Variants in RPS6KA2 observed in about 807,000 individuals in gnomAD.
RPS6KA2 encodes the protein ribosomal protein S6 kinase alpha-2.
A neutral mutation model predicts 91.8 loss-of-function variants in RPS6KA2; 42 were observed. The observed-to-expected ratio is 0.46, with a 90% CI of 0.36 to 0.59. The LOEUF (loss-of-function observed/expected upper bound fraction) is 0.59, where lower values mean the gene tolerates loss of function less well. Among genes scored for constraint, RPS6KA2 ranks in the 20% least tolerant of loss-of-function variants. The probability of loss-of-function intolerance (pLI) is 0.00; values close to 1 mark genes in which losing one functional copy is unlikely to be tolerated. For missense variants in RPS6KA2, 798 were observed against 978.5 expected, an observed-to-expected ratio of 0.82 and a Z score of 2.46; for synonymous variants, 414 against 393.6, an observed-to-expected ratio of 1.05 and a Z score of -0.61.
intron 1 of RPS6KA2, among the ~76,000 whole-genome samples, chr6:166,577,990 T>C (rs1242742299): frequency 6.6e-6 from 1 of 152,190 alleles, no homozygotes; most frequent in African/African-American, 2.4e-5. Flanking sequence ...GATGGGTTTA[T>C]CAGGGGTTTC....
chr6:166,508,053 T>C lies in RPS6KA2; in HGVS notation c.459+150A>G, dbSNP rs1174955682. 10 of 576,020 alleles carry C rather than the reference T, an allele frequency of 1.7e-5. No individual in the cohort carries two copies. Among genetic ancestry groups the C allele is most frequent in the Non-Finnish European group, 2.5e-5 (8 of 321,558 alleles). 35.7% of individuals were successfully genotyped at this position (576,020 alleles called of 1,614,324 possible). A position where few individuals can be genotyped will look rare whatever the true frequency, so the allele number is the denominator to read the frequency against. On this transcript the variant is annotated intron_variant, in intron 5 of 20. Transcript: ENST00000265678. The surrounding 1 kb of genome is among the most constrained non-coding windows in gnomAD (Gnocchi z 4.3). Reference sequence around the variant, plus strand: ...GTACACCTCTCCCACACACGCACTCTTGCACACACTCACACATGCACACAC... The same window carrying C: ...GTACACCTCTCCCACACACGCACTCCTGCACACACTCACACATGCACACAC...
At chr6:166,623,216 A>G (rs1786707855) in intron 1 of RPS6KA2, among the ~76,000 whole-genome samples, 1 of 152,268 alleles carries the variant, frequency 6.6e-6, no homozygotes, top group Non-Finnish European at 1.5e-5. Flanking sequence ...ATGACTTTGC[A>G]TATTGACACC....
intron 1 of RPS6KA2, among the ~76,000 whole-genome samples, chr6:166,861,438 T>C (rs1244286229): frequency 6.6e-6 from 1 of 152,222 alleles, no homozygotes; most frequent in African/African-American, 2.4e-5. Flanking sequence ...CCAATTCAAA[T>C]GGAGCAAATC....
chr6:166,768,735 C>T (rs1485690907), intron 2 of RPS6KA2, among the ~76,000 whole-genome samples: 1 of 152,228 alleles, frequency 6.6e-6, no homozygotes, highest in Non-Finnish European at 1.5e-5. Context: ...TTCTGGGCTG[C>T]TCCCGGGTGA....
chr6:166,695,670 C>T (rs1486133611), intron 2 of RPS6KA2, among the ~76,000 whole-genome samples: 1 of 140,598 alleles, frequency 7.1e-6, no homozygotes, highest in Non-Finnish European at 1.6e-5. Context: ...GAACTAGATT[C>T]TCCTAGGAGC....
chr6:166,586,042 CTA>C, intron 1 of RPS6KA2: 1 of 697,442 alleles, frequency 1.4e-6, no homozygotes. Context: ...AGATGTAAAA[CTA>C]TGACCAACAG....
intron 12 of RPS6KA2, among the ~76,000 whole-genome samples, chr6:166,454,226 G>A (rs559131482): frequency 9.8e-5 from 15 of 152,322 alleles, no homozygotes; most frequent in African/African-American, 2.4e-4. Flanking sequence ...CAGGCTGGGC[G>A]CGGTGGATCA....
intron 8 of RPS6KA2, among the ~76,000 whole-genome samples, chr6:166,497,499 G>C (rs1781831752): frequency 6.6e-6 from 1 of 152,240 alleles, no homozygotes; most frequent in Admixed American, 6.5e-5. Context: ...TCTGCCCCTC[G>C]CGGAGAGGTG....
At chr6:166,475,284 G>A (rs536084963) in intron 10 of RPS6KA2, among the ~76,000 whole-genome samples, 7 of 152,172 alleles carry the variant, frequency 4.6e-5, no homozygotes, top group East Asian at 1.9e-4. Context: ...GTGTCCCCTC[G>A]GCTGCACCCT....
chr6:166,815,615 AT>A (rs781291744), intron 2 of RPS6KA2, among the ~76,000 whole-genome samples: 1 of 152,326 alleles, frequency 6.6e-6, no homozygotes, highest in Non-Finnish European at 1.5e-5. Flanking sequence ...GAGAGATGAC[AT>A]CCTCCTCTCT....
intron 2 of RPS6KA2, among the ~76,000 whole-genome samples, chr6:166,714,608 C>G (rs945918580): frequency 1.1e-4 from 17 of 152,316 alleles, no homozygotes; most frequent in Admixed American, 5.2e-4. Context: ...AGACAGCCAC[C>G]TGGAGACAGA....
chr6:166,468,586 G>C (rs554240744), intron 11 of RPS6KA2, among the ~76,000 whole-genome samples: 2 of 152,066 alleles, frequency 1.3e-5, no homozygotes, highest in African/African-American at 4.8e-5. Flanking sequence ...GACAGAGGCC[G>C]GGCGCGGTGG....
intron 1 of RPS6KA2, among the ~76,000 whole-genome samples, chr6:166,549,654 G>GC: frequency 1.3e-5 from 2 of 152,076 alleles, no homozygotes; most frequent in Non-Finnish European, 2.9e-5. Flanking sequence ...GGTTGGTGTT[G>GC]GGGGGGTGTG....
rs1485802832 is a variant in RPS6KA2 at position 166,554,773 on chromosome 6, T to C, written c.100-15989A>G. Among the ~76,000 whole-genome samples the C allele has an allele frequency of 1.3e-5, 2 of 152,194 alleles. No individual in the cohort carries two copies. The highest frequency in any genetic ancestry group is 2.9e-5 in the Non-Finnish European group (2 of 68,040). On this transcript the variant is annotated intron_variant, in intron 1 of 20. Transcript: ENST00000265678. This position sits in a 1 kb window ranked among gnomAD's most constrained non-coding sequence, Gnocchi z 4.3. The stretch of plus-strand genomic sequence containing the variant: ...TCCATCCCTAGGAAAGGCCTACTTA[T>C]GATGAGAATTCTGATGTCAATGTGA...
At chr6:166,679,753 T>C (rs745376141) in intron 2 of RPS6KA2, among the ~76,000 whole-genome samples, 1 of 151,730 alleles carries the variant, frequency 6.6e-6, no homozygotes, top group Non-Finnish European at 1.5e-5. Flanking sequence ...GGTGGGGAGG[T>C]GTGGAGGGAG....
At chr6:166,690,135 T>C (rs966603948) in intron 2 of RPS6KA2, among the ~76,000 whole-genome samples, 2 of 152,108 alleles carry the variant, frequency 1.3e-5, no homozygotes, top group Non-Finnish European at 2.9e-5. Flanking sequence ...GAGGGTGAAG[T>C]GTGAGGCTGC....
At chr6:166,826,786 T>G (rs1045228314) in intron 2 of RPS6KA2, among the ~76,000 whole-genome samples, 1 of 152,228 alleles carries the variant, frequency 6.6e-6, no homozygotes, top group African/African-American at 2.4e-5. Context: ...GTATAGGGCT[T>G]GGTCTACTGG....
intron 2 of RPS6KA2, among the ~76,000 whole-genome samples, chr6:166,663,750 G>A (rs1316674056): frequency 3.9e-5 from 6 of 152,218 alleles, no homozygotes; most frequent in Non-Finnish European, 7.3e-5. Flanking sequence ...GAGGGTCAGG[G>A]TGGATGGGAG....
intron 2 of RPS6KA2, among the ~76,000 whole-genome samples, chr6:166,783,283 A>C (rs1278460108): frequency 6.6e-6 from 1 of 151,778 alleles, no homozygotes; most frequent in Non-Finnish European, 1.5e-5. Flanking sequence ...AAAGTAGATT[A>C]CCTTCGTAAT....
Sources: allele counts gnomAD v4.1 joint callset (sites outside exome capture counted in the v4.1 genomes callset), GRCh38; gene constraint gnomAD v4.1.1; non-coding constraint Gnocchi (gnomAD v3.1); transcripts MANE v1.5; gene names NCBI Gene and HGNC (gene_info 2026-07-23, HGNC 2026-07-21).